The following USP6NL variants were observed in gnomAD, a reference collection of about 807,000 sequenced individuals.
The protein encoded by USP6NL is USP6 N-terminal-like protein.
In USP6NL, 26 loss-of-function variants were observed where a neutral mutation model predicts 61.9. That is an observed-to-expected ratio of 0.42 (90% CI 0.31 to 0.58). The LOEUF is 0.58. Among genes scored for constraint, USP6NL ranks in the 20% least tolerant of loss-of-function variants. The pLI is 0.16. For synonymous variants in USP6NL, 432 were observed against 390.1 expected (o/e 1.11, Z -1.27); for missense variants, 1,114 against 1,034.3 (o/e 1.08, Z -1.06).
Position 11,597,537 on chromosome 10 carries a change from T to C in USP6NL, c.4+94A>G. On this transcript the variant is annotated intron_variant, in intron 2 of 14. Transcript: ENST00000609104. The surrounding 1 kb of genome is among the most constrained non-coding windows in gnomAD (Gnocchi z 4.6). The stretch of plus-strand genomic sequence containing the variant: ...TTCAAACTCTGAATAAGTGACATAA[T>C]TCCAATTTATTCAGTAACATGTTTT... 1 of 1,306,326 alleles carries C rather than the reference T, an allele frequency of 7.7e-7. No individual in the cohort carries two copies. Among genetic ancestry groups the C allele is most frequent in the Non-Finnish European group, 1.1e-6 (1 of 923,458 alleles). 80.9% of individuals were successfully genotyped at this position (1,306,326 alleles called of 1,614,324 possible).
chr10:11,574,974 C>T lies in USP6NL; in HGVS notation c.4+22657G>A, dbSNP rs907500079. Among the ~76,000 whole-genome samples, 4 of 152,184 alleles carry T rather than the reference C, an allele frequency of 2.6e-5. No homozygotes were observed. The highest frequency in any genetic ancestry group is 7.2e-5 in the African/African-American group (3 of 41,446). The stretch of plus-strand genomic sequence containing the variant: ...CAGACACGACGTGCTACACCATGTA[C>T]ATATATACCACCCATAATGTATGCT... On this transcript the variant is annotated intron_variant, in intron 2 of 14. Coordinates refer to ENST00000609104, the MANE Select transcript of USP6NL (RefSeq NM_014688.5). This position sits in a 1 kb window ranked among gnomAD's most constrained non-coding sequence, Gnocchi z 4.3.
chr10:11,521,306 TATA>T (rs941067090), intron 4 of USP6NL, among the ~76,000 whole-genome samples: 2 of 147,552 alleles, frequency 1.4e-5, no homozygotes. Flanking sequence ...AAATTATATA[TATA>T]ATATTTTTAT....
At chr10:11,570,319 A>T (rs374148942) in intron 2 of USP6NL, among the ~76,000 whole-genome samples, 15 of 152,196 alleles carry the variant, frequency 9.9e-5, no homozygotes, top group African/African-American at 3.6e-4. Context: ...AAGATGCAGC[A>T]AGTATTCAAT....
intron 2 of USP6NL, among the ~76,000 whole-genome samples, chr10:11,545,782 G>A (rs1836250523): frequency 6.6e-6 from 1 of 152,134 alleles, no homozygotes; most frequent in African/African-American, 2.4e-5. Context: ...GGACTTTCAT[G>A]TATTTTGTTT....
At chr10:11,515,716 A>G (rs1378771970) in intron 5 of USP6NL, among the ~76,000 whole-genome samples, 2 of 152,314 alleles carry the variant, frequency 1.3e-5, no homozygotes, top group Admixed American at 1.3e-4. Context: ...GTTTTTCCCT[A>G]TCTTAACAGT....
At chr10:11,519,270 T>C (rs991744658) in intron 4 of USP6NL, among the ~76,000 whole-genome samples, 1 of 152,162 alleles carries the variant, frequency 6.6e-6, no homozygotes, top group African/African-American at 2.4e-5. Context: ...TTTAAAAAAA[T>C]AGCATAAGGA....
Position 11,597,490 on chromosome 10 carries a change from C to T in USP6NL, c.4+141G>A. ...CTCCTTGTCTTAACACAGACAAGCGCAGAGTGCTGGGTGGAACCACATTCA... is the reference window on the plus strand; with the variant it reads ...CTCCTTGTCTTAACACAGACAAGCGTAGAGTGCTGGGTGGAACCACATTCA... On this transcript the variant is annotated intron_variant, in intron 2 of 14. Coordinates refer to ENST00000609104, the MANE Select transcript of USP6NL (RefSeq NM_014688.5). This position sits in a 1 kb window ranked among gnomAD's most constrained non-coding sequence, Gnocchi z 4.6. The T allele has an allele frequency of 2.5e-6, 2 of 789,676 alleles. No homozygotes were observed. The highest frequency in any genetic ancestry group is 1.8e-5 in the South Asian group (1 of 54,222). 48.9% of individuals were successfully genotyped at this position (789,676 alleles called of 1,614,324 possible).
In USP6NL at chr10:11,587,117, T is replaced by C. The variant is rs76456898; in HGVS notation, c.4+10514A>G. 3.4e-3 allele frequency among the ~76,000 whole-genome samples: 524 copies of C among 152,332 alleles called. 2 individuals are homozygous for C. Among genetic ancestry groups the C allele is most frequent in the African/African-American group, 0.012 (510 of 41,576 alleles). ...CCATGATCTACAAGGCCAAGGGTCATGTCTGTCTTGTTCTTGGCTGTATCA... is the reference window on the plus strand; with the variant it reads ...CCATGATCTACAAGGCCAAGGGTCACGTCTGTCTTGTTCTTGGCTGTATCA... On this transcript the variant is annotated intron_variant, in intron 2 of 14. Transcript: ENST00000609104. This position sits in a 1 kb window ranked among gnomAD's most constrained non-coding sequence, Gnocchi z 4.5.
Position 11,597,694 on chromosome 10 carries a change from A to C in USP6NL, c.-60T>G. 1 of 1,443,934 alleles carries C rather than the reference A, an allele frequency of 6.9e-7. No individual in the cohort carries two copies. 89.4% of individuals were successfully genotyped at this position (1,443,934 alleles called of 1,614,324 possible). A position where few individuals can be genotyped will look rare whatever the true frequency, so the allele number is the denominator to read the frequency against. ...ATATTAAACCAAAATCTGCTGTCCA[A>C]GGTTTCTCAGAGGAATACATGTCCT... On this transcript the variant is annotated 5_prime_UTR_variant, in exon 2 of 15. Transcript: ENST00000609104. This position sits in a 1 kb window ranked among gnomAD's most constrained non-coding sequence, Gnocchi z 4.6.
At chr10:11,570,400 C>T (rs994098262) in intron 2 of USP6NL, among the ~76,000 whole-genome samples, 6 of 151,998 alleles carry the variant, frequency 3.9e-5, no homozygotes, top group Non-Finnish European at 7.4e-5. Flanking sequence ...AAGGAATGAA[C>T]GTGGAAATGG....
chr10:11,516,301 T>C (rs943556444), intron 5 of USP6NL, among the ~76,000 whole-genome samples: 1 of 152,240 alleles, frequency 6.6e-6, no homozygotes, highest in Non-Finnish European at 1.5e-5. Flanking sequence ...TGTACAAGTC[T>C]TCCCCAATGG....
intron 2 of USP6NL, among the ~76,000 whole-genome samples, chr10:11,566,868 T>C (rs1837180734): frequency 6.6e-6 from 1 of 152,164 alleles, no homozygotes; most frequent in Non-Finnish European, 1.5e-5. Flanking sequence ...TCCCAAAACT[T>C]TGGGAGGCCA....
intron 2 of USP6NL, among the ~76,000 whole-genome samples, chr10:11,534,745 T>C (rs1287460292): frequency 6.6e-6 from 1 of 152,022 alleles, no homozygotes; most frequent in Non-Finnish European, 1.5e-5. Flanking sequence ...TTAGGGATTA[T>C]GTTTCCTTCC....
At position 11,520,842 on chromosome 10, in the gene USP6NL, C is replaced by A. The variant is rs531168296; in HGVS notation, c.156-2268G>T. On this transcript the variant is annotated intron_variant, in intron 4 of 14. Coordinates refer to ENST00000609104, the MANE Select transcript of USP6NL (RefSeq NM_014688.5). This position sits in a 1 kb window ranked among gnomAD's most constrained non-coding sequence, Gnocchi z 5.2. ...CCGTATGACCTACAAAGCCAAAGAT[C>A]CTTCATATCTGGCTCTTTAGAGAAA... Among the ~76,000 whole-genome samples the A allele has an allele frequency of 6.6e-6, 1 of 152,204 alleles. No homozygotes were observed. The highest frequency in any genetic ancestry group is 1.5e-5 in the Non-Finnish European group (1 of 68,040).
chr10:11,553,408 A>G lies in USP6NL; in HGVS notation c.5-25841T>C, dbSNP rs1281924102. On this transcript the variant is annotated intron_variant, in intron 2 of 14. Transcript: ENST00000609104. This position sits in a 1 kb window ranked among gnomAD's most constrained non-coding sequence, Gnocchi z 4.8. ...GGTTTCCTTGTGTGGATGTCATTTC[A>G]GCAAGGATACCAGAAATAATATATA... Among the ~76,000 whole-genome samples, 1 of 152,234 alleles carries G rather than the reference A, an allele frequency of 6.6e-6. No individual in the cohort carries two copies. Among genetic ancestry groups the G allele is most frequent in the Non-Finnish European group, 1.5e-5 (1 of 68,038 alleles).
intron 2 of USP6NL, among the ~76,000 whole-genome samples, chr10:11,566,863 A>C (rs1027228433): frequency 5.9e-5 from 9 of 152,218 alleles, no homozygotes; most frequent in African/African-American, 2.4e-5. Flanking sequence ...TGTAATCCCA[A>C]AACTTTGGGA....
chr10:11,488,986 A>G (rs941703866), intron 10 of USP6NL, 116 bp downstream of exon 10: 8 of 1,381,066 alleles, frequency 5.8e-6, no homozygotes, highest in Non-Finnish European at 7.8e-6. Flanking sequence ...AATGAACTCA[A>G]CGAGCCCTGA....
rs981438995 is a variant in USP6NL, at chr10:11,574,989, T to C, written c.4+22642A>G. Among the ~76,000 whole-genome samples the C allele has an allele frequency of 6.6e-6, 1 of 152,184 alleles. No homozygotes were observed. The highest frequency in any genetic ancestry group is 1.5e-5 in the Non-Finnish European group (1 of 68,022). On this transcript the variant is annotated intron_variant, in intron 2 of 14. Coordinates refer to ENST00000609104, the MANE Select transcript of USP6NL (RefSeq NM_014688.5). The surrounding 1 kb of genome is among the most constrained non-coding windows in gnomAD (Gnocchi z 4.3). ...ACACCATGTACATATATACCACCCA[T>C]AATGTATGCTCCATATGGGTGTTAG...
At chr10:11,498,183 C>T (rs1834026661) in intron 7 of USP6NL, among the ~76,000 whole-genome samples, 1 of 137,066 alleles carries the variant, frequency 7.3e-6, no homozygotes, top group African/African-American at 2.8e-5. Flanking sequence ...TTGCAGTGAG[C>T]CGAGATCACA....
Sources: allele counts gnomAD v4.1 joint callset (sites outside exome capture counted in the v4.1 genomes callset), GRCh38; gene constraint gnomAD v4.1.1; non-coding constraint Gnocchi (gnomAD v3.1); transcripts MANE v1.5; gene names NCBI Gene and HGNC (gene_info 2026-07-23, HGNC 2026-07-21).